The following CSN2 variants were observed in gnomAD, a reference collection of about 807,000 sequenced individuals.
The protein encoded by CSN2 is beta-casein.
A neutral mutation model predicts 27.3 loss-of-function variants in CSN2; 27 were observed. The ratio of observed to expected loss-of-function variants is 0.99; its 90% confidence interval spans 0.73 to 1.36. The LOEUF is 1.36. Among genes scored for constraint, CSN2 ranks in the 40% most tolerant of loss-of-function variants. The probability of loss-of-function intolerance (pLI) is 0.00; values close to 1 mark genes in which losing one functional copy is unlikely to be tolerated. For synonymous variants in CSN2, 131 were observed against 94.8 expected, an observed-to-expected ratio of 1.38 and a Z score of -2.22; for missense variants, 333 against 264.5, an observed-to-expected ratio of 1.26 and a Z score of -1.80.
rs1723434138 is a variant in CSN2, at chr4:69,957,398, A to G, written c.551T>C (p.Val184Ala). The G allele has an allele frequency of 3.7e-6, 6 of 1,613,666 alleles. No individual in the cohort carries two copies. Among genetic ancestry groups the G allele is most frequent in the Non-Finnish European group, 5.1e-6 (6 of 1,179,898 alleles). The change falls in exon 6 of 8, where the codon GTG (valine) becomes GCG (alanine). Residue 184 changes from valine (V) to alanine (A), a missense_variant. Physicochemically the swap from Val to Ala is moderately conservative, Grantham distance 64. Transcript: ENST00000353151. Reference sequence around the variant, plus strand: ...AGGCACAGCTCTCTGAGGGTAGGGCACCACTTGCTGGGGGATAGGCAGGAC... The same window carrying G: ...AGGCACAGCTCTCTGAGGGTAGGGCGCCACTTGCTGGGGGATAGGCAGGAC... ...PKVLPIPQQV[V>A]PYPQRAVPVQ...
chr4:69,961,618 C>A (rs1250477053), intron 1 of CSN2, among the ~76,000 whole-genome samples: 1 of 152,104 alleles, frequency 6.6e-6, no homozygotes, highest in East Asian at 1.9e-4. Context: ...AAACCCACTG[C>A]CAATATCATA....
At position 69,957,678 on chromosome 4, in the gene CSN2, GCAC is replaced by G; in HGVS notation, c.268_270del (p.Val90del). On this transcript the variant is annotated inframe_deletion, in exon 6 of 8. Transcript: ENST00000353151. ...ATTATTTCAGGCTGAGGGACAGGCA[GCAC>G]CACAGCAGGCTGAGCAAGAGGCAGA... is the stretch of plus-strand genomic sequence containing the variant. The G allele has an allele frequency of 6.2e-7, 1 of 1,614,018 alleles. No homozygotes were observed. The highest frequency in any genetic ancestry group is 1.1e-5 in the South Asian group (1 of 91,076).
chr4:69,955,638 T>A (rs1723373207), intron 7 of CSN2, 46 bp from the exon 8 acceptor site: 2 of 152,546 alleles, frequency 1.3e-5, no homozygotes, highest in African/African-American at 4.8e-5. Flanking sequence ...TTATAACACG[T>A]AACTATTCAA....
chr4:69,963,818 G>C (rs534385761), intron 1 of CSN2, among the ~76,000 whole-genome samples: 1 of 152,192 alleles, frequency 6.6e-6, no homozygotes, highest in East Asian at 1.9e-4. Flanking sequence ...ATCTGTTCTT[G>C]CCAGACACTG....
At chr4:69,962,231 T>G (rs914270400) in intron 1 of CSN2, among the ~76,000 whole-genome samples, 1 of 152,098 alleles carries the variant, frequency 6.6e-6, no homozygotes, top group African/African-American at 2.4e-5. Context: ...TGAAAAAAAC[T>G]ACTTTAAAGT....
Position 69,961,004 on chromosome 4 carries a change from A to G in CSN2, c.-9T>C. 1.2e-6 allele frequency: 2 copies of G among 1,611,238 alleles called. No homozygotes were observed. Among genetic ancestry groups the G allele is most frequent in the South Asian group, 2.2e-5 (2 of 90,898 alleles). On this transcript the variant is annotated 5_prime_UTR_variant, in exon 2 of 8. Transcript: ENST00000353151. The stretch of plus-strand genomic sequence containing the variant: ...AGGATGAGGACCTTCATGGCTACTA[A>G]GTCCTGTGAATGTAGAAAAAATGGA...
chr4:69,956,838 A>G (rs1723411483), intron 6 of CSN2, among the ~76,000 whole-genome samples: 1 of 152,178 alleles, frequency 6.6e-6, no homozygotes, highest in Non-Finnish European at 1.5e-5. Flanking sequence ...CCTCTACACA[A>G]AAAACTAGAA....
chr4:69,963,043 C>G (rs1723659855), intron 1 of CSN2, among the ~76,000 whole-genome samples: 1 of 152,114 alleles, frequency 6.6e-6, no homozygotes, highest in South Asian at 2.1e-4. Flanking sequence ...GAGATACCAT[C>G]TCACACCAGT....
chr4:69,960,679 C>T (rs940153602), intron 2 of CSN2, among the ~76,000 whole-genome samples: 15 of 151,838 alleles, frequency 9.9e-5, no homozygotes, highest in African/African-American at 3.1e-4. Flanking sequence ...TATTTCGTTG[C>T]CATTTTTATG....
chr4:69,963,316 G>T (rs1184982165), intron 1 of CSN2, among the ~76,000 whole-genome samples: 6 of 152,176 alleles, frequency 3.9e-5, no homozygotes, highest in Admixed American at 3.9e-4. Flanking sequence ...ATTCACAATA[G>T]CAAAGACTTG....
chr4:69,957,689 G>A lies in CSN2; in HGVS notation c.260C>T (p.Pro87Leu), dbSNP rs771085130. 2.5e-6 allele frequency: 4 copies of A among 1,614,016 alleles called. No individual in the cohort carries two copies. Among genetic ancestry groups the A allele is most frequent in the Non-Finnish European group, 3.4e-6 (4 of 1,179,986 alleles). ...LPQNILPLAQPAVVLPVPQPE... is the reference protein window; with the variant it reads ...LPQNILPLAQLAVVLPVPQPE... The stretch of plus-strand genomic sequence containing the variant: ...CTGAGGGACAGGCAGCACCACAGCA[G>A]GCTGAGCAAGAGGCAGAATGTTTTG... Residue 87 changes from proline to leucine, a missense_variant, in exon 6 of 8, where the codon CCT (proline) becomes CTT (leucine). Transcript: ENST00000353151.
At chr4:69,960,145 T>C in intron 2 of CSN2, 66 bp from the exon 3 acceptor site, 6 of 1,442,562 alleles carry the variant, frequency 4.2e-6, no homozygotes, top group South Asian at 1.2e-5. Context: ...TACTATTTTA[T>C]GGTTCATAAA....
chr4:69,960,758 T>C (rs1014307955), intron 2 of CSN2, among the ~76,000 whole-genome samples, 187 bp downstream of exon 2: 1 of 152,126 alleles, frequency 6.6e-6, no homozygotes, highest in Admixed American at 6.6e-5. Context: ...GCAGGAAGCA[T>C]TTGGGGCACT....
chr4:69,963,572 C>T (rs1723681487), intron 1 of CSN2, among the ~76,000 whole-genome samples: 4 of 151,732 alleles, frequency 2.6e-5, no homozygotes, highest in Non-Finnish European at 5.9e-5. Flanking sequence ...GAACATCACA[C>T]ACCGGGGCTG....
At chr4:69,961,553 C>T (rs1723584552) in intron 1 of CSN2, among the ~76,000 whole-genome samples, 1 of 152,114 alleles carries the variant, frequency 6.6e-6, no homozygotes, top group African/African-American at 2.4e-5. Context: ...TAAAAACTCT[C>T]AATAATTTAG....
At chr4:69,960,012 A>C in intron 3 of CSN2, 41 bp downstream of exon 3, 1 of 1,586,906 alleles carries the variant, frequency 6.3e-7, no homozygotes, top group Non-Finnish European at 8.6e-7. Context: ...AAAATAGCAC[A>C]GGATTTTACT....
chr4:69,965,495 A>ATTGCAATTTTT (rs371067824), intron 1 of CSN2, among the ~76,000 whole-genome samples, 186 bp downstream of exon 1: 1 of 141,720 alleles, frequency 7.1e-6, no homozygotes, highest in African/African-American at 2.6e-5. Flanking sequence ...GCTATATGTC[A>ATTGCAATTTTT]TTACCAAATT....
rs991777813 is a variant in CSN2 at position 69,957,161 on chromosome 4, G to T, written c.675+113C>A. ...TAAAACTTAAAGTATAATAATAAAA[G>T]AATCACTTATCTAAACTGTTTTTTT... On this transcript the variant is annotated intron_variant, in intron 6 of 7. Coordinates refer to ENST00000353151, the MANE Select transcript of CSN2 (RefSeq NM_001891.4). 1.8e-5 allele frequency: 20 copies of T among 1,113,704 alleles called. No homozygotes were observed. The African/African-American group carries it at 2.9e-4, about 16-fold the overall frequency. 69.0% of individuals were successfully genotyped at this position (1,113,704 alleles called of 1,614,324 possible).
intron 2 of CSN2, 47 bp downstream of exon 2, chr4:69,960,898 A>G (rs1254230998): frequency 7.0e-7 from 1 of 1,431,188 alleles, no homozygotes; most frequent in East Asian, 2.3e-5. Flanking sequence ...ATAAGCATAT[A>G]GTCCACTATT....
Sources: gnomAD v4.1 joint callset for allele counts (sites outside exome capture counted in the v4.1 genomes callset) on GRCh38, gnomAD v4.1.1 for gene constraint, MANE v1.5 for transcripts, NCBI Gene and HGNC (gene_info 2026-07-23, HGNC 2026-07-21) for gene names.